LSG1: variants seen among roughly 807,000 people sequenced by gnomAD.
LSG1 encodes large 60S subunit nuclear export GTPase 1.
In LSG1, 55 loss-of-function variants were observed where a neutral mutation model predicts 82.6. That is an observed-to-expected ratio of 0.67 (90% CI 0.54 to 0.83). The LOEUF is 0.83. LSG1 is among the 40% of genes least tolerant of loss of function. The probability of loss-of-function intolerance (pLI) is 0.00; values close to 1 mark genes in which losing one functional copy is unlikely to be tolerated. For missense variants in LSG1, 809 were observed against 807.9 expected (o/e 1.00, Z -0.02); for synonymous variants, 272 against 282.5 (o/e 0.96, Z 0.37).
chr3:194,644,313 G>C (rs1456645945), intron 13 of LSG1, among the ~76,000 whole-genome samples: 2 of 148,154 alleles, frequency 1.3e-5, no homozygotes, highest in African/African-American at 4.9e-5. Context: ...AGTGAGCCAA[G>C]ATTGCGCCAC....
chr3:194,669,782 A>T (rs1719105964), intron 2 of LSG1, among the ~76,000 whole-genome samples: 1 of 152,126 alleles, frequency 6.6e-6, no homozygotes, highest in Non-Finnish European at 1.5e-5. Context: ...AAATACAAAA[A>T]TTAGCCAGGC....
At chr3:194,653,223 G>C in intron 7 of LSG1, 81 bp from the exon 8 acceptor site, 1 of 1,414,074 alleles carries the variant, frequency 7.1e-7, no homozygotes, top group Admixed American at 1.9e-5. Context: ...TTGTAAGATG[G>C]ACAGAGGATG....
intron 4 of LSG1, 56 bp from the exon 5 acceptor site, chr3:194,665,699 G>T: frequency 9.5e-7 from 1 of 1,049,676 alleles, no homozygotes; most frequent in Non-Finnish European, 1.5e-6. Context: ...ACAATTTTTA[G>T]CAGTGTAAAT....
chr3:194,671,573 G>A (rs2108624036), intron 1 of LSG1, among the ~76,000 whole-genome samples: 1 of 152,198 alleles, frequency 6.6e-6, no homozygotes, highest in South Asian at 2.1e-4. Context: ...TAAAATATTA[G>A]GTCTTGTCAC....
intron 1 of LSG1, among the ~76,000 whole-genome samples, chr3:194,671,138 T>C (rs138684433): frequency 2.0e-5 from 3 of 152,264 alleles, no homozygotes; most frequent in African/African-American, 7.2e-5. Flanking sequence ...CCTAAATAAA[T>C]ATTAAGGGCC....
chr3:194,648,681 A>G lies in LSG1; in HGVS notation c.1543T>C (p.Tyr515His). The G allele has an allele frequency of 6.2e-7, 1 of 1,613,586 alleles. No individual in the cohort carries two copies. Among genetic ancestry groups the G allele is most frequent in the Non-Finnish European group, 8.5e-7 (1 of 1,179,774 alleles). The change falls in exon 11 of 14, where the codon TAC (tyrosine) becomes CAC (histidine). Residue 515 changes from tyrosine to histidine, a missense_variant and splice_region_variant. Physicochemically the swap from Tyr to His is moderately conservative, Grantham distance 83. Transcript: ENST00000265245. ...CATTTTCTGATGAATCACAACTTACATCCATAAGCTGTCAACAGTTCTTCC... is the reference window on the plus strand; with the variant it reads ...CATTTTCTGATGAATCACAACTTACGTCCATAAGCTGTCAACAGTTCTTCC... ...TSEELLTAYG[Y>H]MRGFMTAHGQ...
At chr3:194,645,337 C>T (rs1426773546) in intron 12 of LSG1, 2 of 152,228 alleles carry the variant, frequency 1.3e-5, no homozygotes, top group African/African-American at 4.8e-5. Flanking sequence ...CACTGAGCTC[C>T]AAGAGCTCCA....
At chr3:194,658,842 A>G (rs1718860773) in intron 7 of LSG1, 115 bp downstream of exon 7, 2 of 1,091,454 alleles carry the variant, frequency 1.8e-6, no homozygotes, top group South Asian at 3.2e-5. Flanking sequence ...ACACAGAGGA[A>G]AAACTCTAAT....
rs1266279303 is a variant in LSG1 at position 194,646,258 on chromosome 3, G to C, written c.1544-15C>G. 6.2e-7 allele frequency: 1 copy of C among 1,612,248 alleles called. No homozygotes were observed. Among genetic ancestry groups the C allele is most frequent in the Admixed American group, 1.7e-5 (1 of 59,868 alleles). Reference sequence around the variant, plus strand: ...TCCTCGCATGTCTGTGGAGAGAAAAGAATTTTGCAAAATCTTAGATGACAG... The same window carrying C: ...TCCTCGCATGTCTGTGGAGAGAAAACAATTTTGCAAAATCTTAGATGACAG... On this transcript the variant is annotated splice_polypyrimidine_tract_variant and intron_variant, in intron 11 of 13. Coordinates refer to ENST00000265245, the MANE Select transcript of LSG1 (RefSeq NM_018385.3).
chr3:194,658,476 A>G (rs1333803014), intron 7 of LSG1, among the ~76,000 whole-genome samples: 1 of 152,226 alleles, frequency 6.6e-6, no homozygotes, highest in African/African-American at 2.4e-5. Context: ...ATTCAAAAGT[A>G]AAAATAAAGC....
chr3:194,672,146 G>A lies in LSG1; in HGVS notation c.17C>T (p.Ala6Val), dbSNP rs1468734160. 2.5e-6 allele frequency: 4 copies of A among 1,603,818 alleles called. No individual in the cohort carries two copies. Among genetic ancestry groups the A allele is most frequent in the East Asian group, 2.2e-5 (1 of 44,876 alleles). The change falls in exon 1 of 14, where the codon GCC (alanine) becomes GTC (valine). Residue 6 changes from alanine to valine, a missense_variant. Transcript: ENST00000265245. MGRRR[A>V]PAGGSLGRAL... ...CCGTCCCAGCGACCCACCGGCCGGG[G>A]CTCTCCTCCGGCCCATGGCAACACG...
chr3:194,658,205 T>G (rs1275763332), intron 7 of LSG1, among the ~76,000 whole-genome samples: 4 of 152,200 alleles, frequency 2.6e-5, no homozygotes, highest in Admixed American at 6.5e-5. Flanking sequence ...TGGAGTGCAC[T>G]GGCATGATCT....
chr3:194,660,948 C>G (rs559763851), intron 5 of LSG1: 39 of 455,708 alleles, frequency 8.6e-5, no homozygotes, highest in African/African-American at 7.0e-4. Flanking sequence ...AGCCTCTGTG[C>G]TAGATGTTAT....
intron 5 of LSG1, among the ~76,000 whole-genome samples, chr3:194,661,588 C>T (rs1484313726): frequency 6.6e-6 from 1 of 152,178 alleles, no homozygotes; most frequent in Non-Finnish European, 1.5e-5. Flanking sequence ...ATTTCAAGGA[C>T]ATGTTATACA....
At chr3:194,667,966 T>A (rs1393716284) in intron 2 of LSG1, among the ~76,000 whole-genome samples, 1 of 126,740 alleles carries the variant, frequency 7.9e-6, no homozygotes, top group Non-Finnish European at 1.6e-5. Context: ...TATATATATA[T>A]ATAGCTTTAC....
chr3:194,657,928 A>T (rs142003901), intron 7 of LSG1, among the ~76,000 whole-genome samples: 3 of 152,240 alleles, frequency 2.0e-5, no homozygotes, highest in Non-Finnish European at 4.4e-5. Context: ...TTTGACAGGG[A>T]AGTGGAGGAA....
chr3:194,651,794 T>C (rs371230556), intron 8 of LSG1, among the ~76,000 whole-genome samples: 5 of 152,178 alleles, frequency 3.3e-5, no homozygotes, highest in African/African-American at 1.2e-4. Context: ...AGCAACAATA[T>C]AGAGAATGAA....
intron 10 of LSG1, 137 bp from the exon 11 acceptor site, chr3:194,648,941 T>C: frequency 1.2e-6 from 1 of 834,506 alleles, no homozygotes; most frequent in South Asian, 1.9e-5. Flanking sequence ...GGATAGTTTT[T>C]GATTAATCTA....
intron 7 of LSG1, among the ~76,000 whole-genome samples, chr3:194,653,377 T>C (rs939927443): frequency 6.6e-6 from 1 of 152,034 alleles, no homozygotes; most frequent in Non-Finnish European, 1.5e-5. Context: ...TAGCCAGGCG[T>C]GGTGGTGCAC....
Sources: gnomAD v4.1 joint callset for allele counts (sites outside exome capture counted in the v4.1 genomes callset) on GRCh38, gnomAD v4.1.1 for gene constraint, MANE v1.5 for transcripts, NCBI Gene and HGNC (gene_info 2026-07-23, HGNC 2026-07-21) for gene names.